ATG7: variants seen among roughly 807,000 people sequenced by gnomAD.
ATG7 encodes ubiquitin-like modifier-activating enzyme ATG7.
ATG7 carries 70 observed loss-of-function variants against 82.4 expected under a neutral mutation model. The ratio of observed to expected loss-of-function variants is 0.85; its 90% confidence interval spans 0.70 to 1.04. ATG7 has a LOEUF of 1.04. Ranked by LOEUF, ATG7 falls within the 50% of genes least tolerant of loss-of-function variation. The pLI, the probability that ATG7 is intolerant of heterozygous loss-of-function variation, is 0.00. For missense variants in ATG7, 792 were observed against 864.3 expected (o/e 0.92, Z 1.05); for synonymous variants, 287 against 313.0 (o/e 0.92, Z 0.88).
intron 20 of ATG7, among the ~76,000 whole-genome samples, chr3:11,466,672 A>C (rs2086856509): frequency 1.3e-5 from 2 of 152,250 alleles, no homozygotes; most frequent in African/African-American, 4.8e-5. Context: ...CGGAAAAAGC[A>C]GTTCTCAGAG....
intron 20 of ATG7, among the ~76,000 whole-genome samples, chr3:11,538,710 G>GA (rs2070555011): frequency 1.1e-5 from 1 of 87,546 alleles, no homozygotes; most frequent in Non-Finnish European, 2.2e-5. Context: ...AAAAAAATTA[G>GA]CCAAAAAAAA....
chr3:11,562,543 T>G (rs2073114114), downstream of ATG7, among the ~76,000 whole-genome samples: 1 of 152,184 alleles, frequency 6.6e-6, no homozygotes, highest in Non-Finnish European at 1.5e-5. Flanking sequence ...CCCAACAGAC[T>G]TCCAGGAAGA....
At chr3:11,413,689 A>C (rs77015927) in intron 19 of ATG7, among the ~76,000 whole-genome samples, 5,862 of 152,288 alleles carry the variant, frequency 0.038, 122 homozygotes, top group African/African-American at 0.051. Flanking sequence ...GTATTAGTCC[A>C]TGGTTTTCTC....
At chr3:11,360,533 A>C (rs1390256067) in intron 15 of ATG7, 48 bp from the exon 16 acceptor site, 5 of 1,552,702 alleles carry the variant, frequency 3.2e-6, no homozygotes, top group Non-Finnish European at 4.4e-6. Flanking sequence ...CACAGCTTGA[A>C]ATATATGTGT....
At chr3:11,352,428 CTG>C (rs1266999867) in intron 14 of ATG7, among the ~76,000 whole-genome samples, 1 of 152,244 alleles carries the variant, frequency 6.6e-6, no homozygotes, top group African/African-American at 2.4e-5. Flanking sequence ...AATCGCCACA[CTG>C]TCTTGCACAA....
chr3:11,560,454 G>C (rs2072881285), downstream of ATG7, among the ~76,000 whole-genome samples: 1 of 152,208 alleles, frequency 6.6e-6, no homozygotes. Context: ...AGCAGTGTCA[G>C]CCAGAGGGAC....
chr3:11,298,978 T>G, intron 4 of ATG7, 123 bp downstream of exon 4: 2 of 1,098,052 alleles, frequency 1.8e-6, no homozygotes, highest in Non-Finnish European at 2.6e-6. Flanking sequence ...CTTCACTAGT[T>G]TCTATTTTAC....
chr3:11,414,660 G>A (rs982218906), intron 19 of ATG7, among the ~76,000 whole-genome samples: 5 of 152,024 alleles, frequency 3.3e-5, no homozygotes, highest in African/African-American at 1.2e-4. Context: ...GAAACTTCTG[G>A]TTTTTCATCC....
intron 20 of ATG7, among the ~76,000 whole-genome samples, chr3:11,450,777 G>A (rs772320199): frequency 6.6e-6 from 1 of 152,190 alleles, no homozygotes; most frequent in African/African-American, 2.4e-5. Flanking sequence ...AGTGATATAG[G>A]TTCTAGCTTT....
At chr3:11,491,706 T>C (rs942401447) in intron 20 of ATG7, among the ~76,000 whole-genome samples, 21 of 152,210 alleles carry the variant, frequency 1.4e-4, no homozygotes, top group Non-Finnish European at 1.8e-4. Flanking sequence ...GACCCTCAGC[T>C]GCAGGTCTGT....
chr3:11,433,577 T>C (rs775862114), intron 20 of ATG7, among the ~76,000 whole-genome samples: 18 of 152,240 alleles, frequency 1.2e-4, no homozygotes, highest in Non-Finnish European at 2.5e-4. Flanking sequence ...TATATTGGTA[T>C]ATCCCTGAGA....
chr3:11,286,862 C>A (rs1340013693), intron 3 of ATG7, among the ~76,000 whole-genome samples: 2 of 151,420 alleles, frequency 1.3e-5, no homozygotes, highest in African/African-American at 4.8e-5. Context: ...GCCTCAGACC[C>A]CCAAAGTGCT....
intron 14 of ATG7, among the ~76,000 whole-genome samples, chr3:11,356,287 C>T (rs973755530): frequency 1.3e-5 from 2 of 152,204 alleles, no homozygotes; most frequent in African/African-American, 4.8e-5. Context: ...CTGTGTATTT[C>T]ACTTTATGTA....
intron 20 of ATG7, among the ~76,000 whole-genome samples, chr3:11,431,616 A>C (rs778045941): frequency 2.6e-5 from 4 of 152,140 alleles, no homozygotes; most frequent in African/African-American, 9.7e-5. Context: ...GGATTTTTCT[A>C]TTCTGGACAC....
chr3:11,498,554 G>A (rs942200584), intron 20 of ATG7, among the ~76,000 whole-genome samples: 24 of 151,948 alleles, frequency 1.6e-4, no homozygotes, highest in African/African-American at 5.3e-4. Flanking sequence ...GGTTTTCACC[G>A]TGTCACTCCT....
At chr3:11,520,994 C>T (rs1433118358) in intron 20 of ATG7, among the ~76,000 whole-genome samples, 2 of 152,056 alleles carry the variant, frequency 1.3e-5, no homozygotes, top group African/African-American at 4.8e-5. Context: ...TGCTCCAGGC[C>T]CCACGCAGGA....
chr3:11,387,031 G>A (rs1321385025), intron 19 of ATG7, among the ~76,000 whole-genome samples: 7 of 152,226 alleles, frequency 4.6e-5, no homozygotes, highest in Admixed American at 2.0e-4. Context: ...AATGGCTGAC[G>A]TGTATCCAGT....
At chr3:11,536,928 C>G (rs1017798897) in intron 20 of ATG7, among the ~76,000 whole-genome samples, 3 of 152,200 alleles carry the variant, frequency 2.0e-5, no homozygotes, top group Non-Finnish European at 2.9e-5. Context: ...GATTCTACCT[C>G]TAAAATATAA....
At chr3:11,495,777 G>C (rs2090781216) in intron 20 of ATG7, among the ~76,000 whole-genome samples, 1 of 152,168 alleles carries the variant, frequency 6.6e-6, no homozygotes, top group Non-Finnish European at 1.5e-5. Context: ...TGTGGTTCTA[G>C]AGAACTCTAG....
Sources: gnomAD v4.1 joint callset for allele counts (sites outside exome capture counted in the v4.1 genomes callset) on GRCh38, gnomAD v4.1.1 for gene constraint, MANE v1.5 for transcripts, NCBI Gene and HGNC (gene_info 2026-07-23, HGNC 2026-07-21) for gene names.